The following DAPK2 variants were observed in gnomAD, a reference collection of about 807,000 sequenced individuals.
The protein encoded by DAPK2 is death associated protein kinase 2, also known as death-associated protein kinase 2.
In DAPK2, 35 loss-of-function variants were observed where a neutral mutation model predicts 44.1. That is an observed-to-expected ratio of 0.79 (90% CI 0.61 to 1.05). The LOEUF is 1.05. Among genes scored for constraint, DAPK2 ranks in the 50% least tolerant of loss-of-function variants. The pLI is 0.00. For synonymous variants in DAPK2, 174 were observed against 182.6 expected (o/e 0.95, Z 0.38); for missense variants, 453 against 483.2 (o/e 0.94, Z 0.59).
intron 2 of DAPK2, among the ~76,000 whole-genome samples, chr15:63,977,979 C>T (rs2078399787): frequency 6.6e-6 from 1 of 152,202 alleles, no homozygotes; most frequent in Non-Finnish European, 1.5e-5. Context: ...CCCTGCTCTG[C>T]TGCATCCACG....
intron 1 of DAPK2, among the ~76,000 whole-genome samples, chr15:64,014,544 G>C (rs2079470786): frequency 6.6e-6 from 1 of 152,204 alleles, no homozygotes; most frequent in East Asian, 1.9e-4. Flanking sequence ...GTTTACCAAA[G>C]ACTGCATGGT....
At chr15:63,938,618 C>T (rs375094191) in intron 4 of DAPK2, among the ~76,000 whole-genome samples, 1 of 152,248 alleles carries the variant, frequency 6.6e-6, no homozygotes, top group African/African-American at 2.4e-5. Flanking sequence ...CCTTCCCCCT[C>T]TACAGGCTAT....
upstream of DAPK2, among the ~76,000 whole-genome samples, chr15:64,043,172 G>A (rs1161153544): frequency 1.3e-5 from 2 of 152,146 alleles, no homozygotes; most frequent in Non-Finnish European, 2.9e-5. Flanking sequence ...GAGTATGTGC[G>A]GCAACTAGAG....
intron 1 of DAPK2, among the ~76,000 whole-genome samples, chr15:63,994,298 C>T (rs2078890189): frequency 6.6e-6 from 1 of 152,068 alleles, no homozygotes; most frequent in East Asian, 1.9e-4. Context: ...GATAAAGGGC[C>T]TTGTCATCCT....
intron 1 of DAPK2, among the ~76,000 whole-genome samples, chr15:64,026,293 G>C (rs2079844806): frequency 6.6e-6 from 1 of 151,948 alleles, no homozygotes. Flanking sequence ...GCCCAGGCTG[G>C]AGTGCAGTGG....
chr15:63,974,719 C>T (rs960083816), intron 2 of DAPK2, among the ~76,000 whole-genome samples: 1 of 152,164 alleles, frequency 6.6e-6, no homozygotes, highest in Non-Finnish European at 1.5e-5. Context: ...TGGAAAGGAA[C>T]AGAGATTCTC....
chr15:64,040,288 T>C (rs1480475967), upstream of DAPK2: 2 of 1,598,710 alleles, frequency 1.3e-6, no homozygotes, highest in African/African-American at 1.3e-5. Flanking sequence ...AAGAAACCTG[T>C]GGTTAGGACA....
intron 1 of DAPK2, among the ~76,000 whole-genome samples, chr15:64,017,860 A>G (rs2079572374): frequency 6.6e-6 from 1 of 152,180 alleles, no homozygotes; most frequent in Admixed American, 6.5e-5. Context: ...CTCCCGGAGA[A>G]GGAGGAGAGG....
intron 1 of DAPK2, among the ~76,000 whole-genome samples, chr15:64,014,737 T>G (rs1436620428): frequency 1.3e-5 from 2 of 152,094 alleles, no homozygotes; most frequent in Non-Finnish European, 2.9e-5. Context: ...CTGGTCAACA[T>G]AGTGAAACCC....
intron 3 of DAPK2, among the ~76,000 whole-genome samples, chr15:63,965,604 G>T (rs2078033311): frequency 6.6e-6 from 1 of 152,204 alleles, no homozygotes; most frequent in Non-Finnish European, 1.5e-5. Flanking sequence ...CCTGGAGTTG[G>T]AAACCTTGGG....
chr15:63,967,667 G>T (rs886474044), intron 3 of DAPK2, among the ~76,000 whole-genome samples: 1 of 152,144 alleles, frequency 6.6e-6, no homozygotes, highest in Non-Finnish European at 1.5e-5. Flanking sequence ...CTCCAACCTG[G>T]GCAACAGAGC....
chr15:63,938,950 T>C (rs2077233194), intron 4 of DAPK2, among the ~76,000 whole-genome samples: 1 of 152,036 alleles, frequency 6.6e-6, no homozygotes, highest in East Asian at 1.9e-4. Flanking sequence ...GAGCACGAGG[T>C]GGGGCCAGCG....
intron 3 of DAPK2, among the ~76,000 whole-genome samples, chr15:63,944,625 C>T (rs946134741): frequency 7.9e-5 from 12 of 152,180 alleles, no homozygotes; most frequent in Non-Finnish European, 1.6e-4. Context: ...GATAAGAAAA[C>T]GGGGCTCACA....
intron 1 of DAPK2, among the ~76,000 whole-genome samples, chr15:63,993,072 G>C (rs978200664): frequency 9.2e-5 from 14 of 152,114 alleles, no homozygotes; most frequent in African/African-American, 3.4e-4. Context: ...TCATGTTCTA[G>C]AATACCTCCC....
chr15:63,929,330 C>A (rs1306124981), intron 6 of DAPK2, among the ~76,000 whole-genome samples: 1 of 152,140 alleles, frequency 6.6e-6, no homozygotes, highest in Non-Finnish European at 1.5e-5. Flanking sequence ...GAGTGGAGAG[C>A]CTGAGGCTGC....
intron 10 of DAPK2, chr15:63,911,654 G>T: frequency 1.9e-6 from 1 of 516,766 alleles, no homozygotes; most frequent in Non-Finnish European, 3.5e-6. Context: ...GGCCCACCAG[G>T]AAAGGATGGG....
At chr15:64,045,137 A>T (rs1348553665), upstream of DAPK2, among the ~76,000 whole-genome samples, 2 of 152,182 alleles carry the variant, frequency 1.3e-5, no homozygotes, top group Non-Finnish European at 2.9e-5. Context: ...GGCCTCAAGG[A>T]GGTGGGCAGG....
intron 2 of DAPK2, among the ~76,000 whole-genome samples, chr15:63,972,445 T>C (rs1340643670): frequency 6.6e-6 from 1 of 152,144 alleles, no homozygotes; most frequent in Non-Finnish European, 1.5e-5. Context: ...TCTTAGAGAA[T>C]ACCTAAGTGG....
intron 1 of DAPK2, among the ~76,000 whole-genome samples, chr15:64,019,935 TTCATGCCACAGAG>T (rs1489431050): frequency 6.6e-6 from 1 of 152,216 alleles, no homozygotes; most frequent in Non-Finnish European, 1.5e-5. Context: ...GCTTTCCATT[TTCATGCCACAGAG>T]TCAATATTTA....
Sources: gnomAD v4.1 joint callset for allele counts (sites outside exome capture counted in the v4.1 genomes callset) on GRCh38, gnomAD v4.1.1 for gene constraint, MANE v1.5 for transcripts, NCBI Gene and HGNC (gene_info 2026-07-23, HGNC 2026-07-21) for gene names.